The following GRIK2 variants were observed in gnomAD, a reference collection of about 807,000 sequenced individuals.
The protein encoded by GRIK2 is glutamate ionotropic receptor kainate type subunit 2.
GRIK2 carries 32 observed loss-of-function variants against 100.3 expected under a neutral mutation model. The ratio of observed to expected loss-of-function variants is 0.32; its 90% confidence interval spans 0.24 to 0.43. The LOEUF (loss-of-function observed/expected upper bound fraction) is 0.43. Ranked by LOEUF, GRIK2 falls within the 20% of genes least tolerant of loss-of-function variation. The pLI, the probability that GRIK2 is intolerant of heterozygous loss-of-function variation, is 1.00. For synonymous variants in GRIK2, 417 were observed against 389.4 expected (o/e 1.07, Z -0.83); for missense variants, 843 against 1,114.9 (o/e 0.76, Z 3.47).
intron 2 of GRIK2, among the ~76,000 whole-genome samples, chr6:101,443,530 T>C (rs1196942036): frequency 6.6e-6 from 1 of 152,154 alleles, no homozygotes; most frequent in Non-Finnish European, 1.5e-5. Flanking sequence ...AATTCAATTT[T>C]GTTCAACCAT....
chr6:101,397,448 G>C (rs539151273), intron 1 of GRIK2, among the ~76,000 whole-genome samples: 2 of 152,086 alleles, frequency 1.3e-5, no homozygotes, highest in South Asian at 2.1e-4. Flanking sequence ...TAAGGTGCTC[G>C]AACAGTCGAA....
intron 4 of GRIK2, among the ~76,000 whole-genome samples, chr6:101,629,764 A>C (rs1044268080): frequency 1.3e-5 from 2 of 152,104 alleles, no homozygotes; most frequent in African/African-American, 4.8e-5. Flanking sequence ...CAGGTTTGTT[A>C]CAAGGCTATA....
chr6:102,017,899 T>G (rs1769204548), intron 14 of GRIK2, among the ~76,000 whole-genome samples: 1 of 152,192 alleles, frequency 6.6e-6, no homozygotes, highest in Non-Finnish European at 1.5e-5. Context: ...TCTATCCCTC[T>G]GCTTACATTG....
intron 9 of GRIK2, among the ~76,000 whole-genome samples, chr6:101,809,335 T>C (rs1313626354): frequency 1.3e-5 from 2 of 152,072 alleles, no homozygotes; most frequent in Non-Finnish European, 2.9e-5. Context: ...TTGTAAAGTA[T>C]GTATTTTGAA....
At chr6:101,468,524 T>TA (rs537593241) in intron 2 of GRIK2, among the ~76,000 whole-genome samples, 22 of 146,456 alleles carry the variant, frequency 1.5e-4, no homozygotes, top group East Asian at 2.0e-4. Context: ...TTAGTTAGGT[T>TA]AAAAAAAAAA....
At chr6:102,039,924 A>G (rs1210461864) in intron 15 of GRIK2, among the ~76,000 whole-genome samples, 4 of 151,540 alleles carry the variant, frequency 2.6e-5, no homozygotes, top group Non-Finnish European at 4.4e-5. Flanking sequence ...AACAACAAGC[A>G]TTGTATGTGG....
At chr6:101,840,669 T>C (rs1783434160) in intron 10 of GRIK2, among the ~76,000 whole-genome samples, 1 of 152,226 alleles carries the variant, frequency 6.6e-6, no homozygotes, top group Non-Finnish European at 1.5e-5. Flanking sequence ...TAGGTGTTTA[T>C]ATATAGTGAC....
At chr6:101,635,144 T>C (rs1780943096) in intron 4 of GRIK2, among the ~76,000 whole-genome samples, 1 of 152,154 alleles carries the variant, frequency 6.6e-6, no homozygotes, top group Non-Finnish European at 1.5e-5. Flanking sequence ...GATGATTATA[T>C]GTTGTACATT....
intron 14 of GRIK2, among the ~76,000 whole-genome samples, chr6:102,013,371 A>G (rs954856919): frequency 1.3e-5 from 2 of 152,162 alleles, no homozygotes; most frequent in Non-Finnish European, 2.9e-5. Flanking sequence ...GAATCATGTC[A>G]TCTACAAACA....
At chr6:101,403,241 A>C (rs1302217925) in intron 2 of GRIK2, among the ~76,000 whole-genome samples, 1 of 152,190 alleles carries the variant, frequency 6.6e-6, no homozygotes. Flanking sequence ...CATCAACCCA[A>C]ACTTAGGCTC....
In GRIK2 at chr6:102,055,505, C is replaced by T. The variant is rs370196358; in HGVS notation, c.2487C>T (p.Ala829=). Residue 829 remains alanine (A), a synonymous_variant, in exon 16 of 17, where the codon GCC becomes GCT. Coordinates refer to ENST00000369134, the MANE Select transcript of GRIK2 (RefSeq NM_021956.5). ...NIGGIFIVLA[A]GLVLSVFVAV... ...GTGGCATCTTCATTGTTCTGGCAGC[C>T]GGCTTGGTGCTTTCAGTTTTTGTGG... 6.4e-5 allele frequency: 104 copies of T among 1,613,320 alleles called. No individual in the cohort carries two copies. The highest frequency in any genetic ancestry group is 1.3e-4 in the African/African-American group (10 of 74,960).
intron 2 of GRIK2, among the ~76,000 whole-genome samples, chr6:101,488,042 A>G (rs1221812888): frequency 6.8e-6 from 1 of 146,428 alleles, no homozygotes; most frequent in African/African-American, 2.6e-5. Context: ...TTTTACTTCT[A>G]TTTAGATTGT....
intron 2 of GRIK2, among the ~76,000 whole-genome samples, chr6:101,579,650 A>T: frequency 6.6e-6 from 1 of 152,024 alleles, no homozygotes; most frequent in Admixed American, 6.6e-5. Flanking sequence ...CAAGAGATCA[A>T]GGCCATCCTT....
chr6:101,787,856 T>A (rs1400264185), intron 7 of GRIK2, among the ~76,000 whole-genome samples: 2 of 152,172 alleles, frequency 1.3e-5, no homozygotes, highest in African/African-American at 4.8e-5. Flanking sequence ...GTTTGTTGAT[T>A]TTCTACCTAG....
At chr6:101,513,371 G>GT (rs1239325587) in intron 2 of GRIK2, among the ~76,000 whole-genome samples, 2 of 152,114 alleles carry the variant, frequency 1.3e-5, no homozygotes, top group Non-Finnish European at 2.9e-5. Flanking sequence ...AAGTCTTATA[G>GT]TGGCTGTCCT....
chr6:101,656,423 T>C (rs1209935624), intron 4 of GRIK2, among the ~76,000 whole-genome samples: 1 of 146,186 alleles, frequency 6.8e-6, no homozygotes, highest in Non-Finnish European at 1.5e-5. Context: ...TTGGAATAGG[T>C]GTTTAGAAAT....
intron 2 of GRIK2, among the ~76,000 whole-genome samples, chr6:101,581,181 T>C (rs372880650): frequency 6.9e-4 from 95 of 138,104 alleles, no homozygotes; most frequent in Middle Eastern, 3.9e-3. Context: ...TATATATATA[T>C]ACACACACAC....
At chr6:101,530,818 A>G (rs930430915) in intron 2 of GRIK2, among the ~76,000 whole-genome samples, 1 of 152,054 alleles carries the variant, frequency 6.6e-6, no homozygotes, top group African/African-American at 2.4e-5. Context: ...ATCAGGAATG[A>G]AAGTGCAGCA....
intron 7 of GRIK2, among the ~76,000 whole-genome samples, chr6:101,709,105 C>T (rs776263445): frequency 6.6e-6 from 1 of 151,660 alleles, no homozygotes; most frequent in Non-Finnish European, 1.5e-5. Flanking sequence ...AACACAGGCA[C>T]ACACACAAGG....
Sources: allele counts gnomAD v4.1 joint callset (sites outside exome capture counted in the v4.1 genomes callset), GRCh38; gene constraint gnomAD v4.1.1; transcripts MANE v1.5; gene names NCBI Gene and HGNC (gene_info 2026-07-23, HGNC 2026-07-21).